The following SPTAN1 variants were observed in gnomAD, a reference collection of about 807,000 sequenced individuals.
SPTAN1 encodes spectrin alpha chain, non-erythrocytic 1.
Under a neutral mutation model 331.3 loss-of-function variants are expected in SPTAN1, and 61 were observed. That is an observed-to-expected ratio of 0.18 (90% confidence interval 0.15 to 0.23). The LOEUF (loss-of-function observed/expected upper bound fraction) is 0.23. SPTAN1 is among the 10% of genes least tolerant of loss of function. SPTAN1 has a pLI of 1.00. For missense variants in SPTAN1, 2,043 were observed against 3,147.9 expected, an observed-to-expected ratio of 0.65 and a Z score of 8.40; for synonymous variants, 1,153 against 1,173.9, an observed-to-expected ratio of 0.98 and a Z score of 0.36.
intron 3 of SPTAN1, among the ~76,000 whole-genome samples, chr9:128,574,361 G>T (rs957180640): frequency 1.4e-5 from 2 of 147,778 alleles, no homozygotes; most frequent in Non-Finnish European, 3.0e-5. Flanking sequence ...AATTATAAAT[G>T]AAATATAAAG....
At position 128,582,508 on chromosome 9, in the gene SPTAN1, T is replaced by G. The variant is rs560390110; in HGVS notation, c.1602T>G (p.Ile534Met). ...TAGATGAATTTGCAACCAAGCTAATTCAGAACAACCACTATGCAATGGAAG... is the reference window on the plus strand; with the variant it reads ...TAGATGAATTTGCAACCAAGCTAATGCAGAACAACCACTATGCAATGGAAG... ...TALDEFATKLIQNNHYAMEDV... is the reference protein window; with the variant it reads ...TALDEFATKLMQNNHYAMEDV... Residue 534 changes from isoleucine to methionine, a missense_variant, in exon 13 of 57, where the codon ATT becomes ATG. Coordinates refer to ENST00000372739, the MANE Select transcript of SPTAN1 (RefSeq NM_001130438.3). 14 of 1,614,180 alleles carry G rather than the reference T, an allele frequency of 8.7e-6. No individual in the cohort carries two copies. In the East Asian group the frequency reaches 3.1e-4, roughly 36 times the overall value.
chr9:128,585,513 C>A (rs140117961), intron 18 of SPTAN1, among the ~76,000 whole-genome samples: 1 of 151,986 alleles, frequency 6.6e-6, no homozygotes, highest in Admixed American at 6.5e-5. Context: ...TGCCAACTTG[C>A]GATATCTGCT....
chr9:128,592,036 C>T (rs1041109100), intron 22 of SPTAN1, among the ~76,000 whole-genome samples: 4 of 152,186 alleles, frequency 2.6e-5, no homozygotes, highest in Non-Finnish European at 1.5e-5. Flanking sequence ...GCTCTGTCCT[C>T]TTTCCTCTAG....
chr9:128,590,966 C>T (rs1021076382), intron 21 of SPTAN1, among the ~76,000 whole-genome samples: 5 of 152,180 alleles, frequency 3.3e-5, no homozygotes, highest in African/African-American at 9.7e-5. Flanking sequence ...TGGTGGCAGG[C>T]GGCATTGCTC....
At chr9:128,591,659 C>T (rs374831136) in intron 22 of SPTAN1, 34 bp downstream of exon 22, 5 of 1,612,010 alleles carry the variant, frequency 3.1e-6, no homozygotes, top group African/African-American at 2.7e-5. Context: ...AAGGGCTAGG[C>T]GTCCCATAGG....
chr9:128,598,164 T>G (rs762453909), intron 24 of SPTAN1, among the ~76,000 whole-genome samples: 4 of 148,024 alleles, frequency 2.7e-5, no homozygotes, highest in Non-Finnish European at 5.9e-5. Flanking sequence ...GTTAGGTTGG[T>G]CTCGAACTCC....
chr9:128,622,542 G>A (rs1178128570), intron 45 of SPTAN1, among the ~76,000 whole-genome samples: 5 of 151,602 alleles, frequency 3.3e-5, no homozygotes, highest in East Asian at 2.0e-4. Flanking sequence ...CAGGTGATCC[G>A]CCCTCCTCGG....
chr9:128,591,954 G>A (rs1367721246), intron 22 of SPTAN1, among the ~76,000 whole-genome samples: 1 of 152,176 alleles, frequency 6.6e-6, no homozygotes, highest in East Asian at 1.9e-4. Flanking sequence ...TGTCCACTTT[G>A]AAAAGCTGCT....
intron 1 of SPTAN1, among the ~76,000 whole-genome samples, chr9:128,558,846 C>T (rs947636162): frequency 5.3e-5 from 8 of 152,130 alleles, no homozygotes; most frequent in African/African-American, 1.9e-4. Flanking sequence ...GCTGTAGCAC[C>T]TTTGGATGGC....
In SPTAN1 at chr9:128,582,705, C is replaced by T. The variant is rs1398071492; in HGVS notation, c.1662C>T (p.Arg554=). The stretch of plus-strand genomic sequence containing the variant: ...TCCTTGTCTTTCAGCTGTTGAGCCG[C>T]CGCAATGCCCTTCACGAGAGAGCCA... ...VATRRDALLS[R]RNALHERAMR... Residue 554 remains arginine (R), a synonymous_variant, in exon 14 of 57, where the codon CGC becomes CGT. Transcript: ENST00000372739. 11 of 1,613,586 alleles carry T rather than the reference C, an allele frequency of 6.8e-6. No individual in the cohort carries two copies. The highest frequency in any genetic ancestry group is 9.3e-6 in the Non-Finnish European group (11 of 1,180,036).
At chr9:128,587,529 A>T in intron 19 of SPTAN1, 77 bp from the exon 20 acceptor site, 1 of 1,138,630 alleles carries the variant, frequency 8.8e-7, no homozygotes, top group South Asian at 1.2e-5. Context: ...TTGAGGCAGG[A>T]TGGCAGGTTG....
chr9:128,556,526 A>G (rs1256059853), intron 1 of SPTAN1, among the ~76,000 whole-genome samples: 1 of 152,236 alleles, frequency 6.6e-6, no homozygotes, highest in East Asian at 1.9e-4. Context: ...TGCAGGTTAA[A>G]AGGTAAGTAG....
intron 26 of SPTAN1, 113 bp downstream of exon 26, chr9:128,599,099 C>G: frequency 9.8e-7 from 1 of 1,016,094 alleles, no homozygotes; most frequent in Non-Finnish European, 1.6e-6. Flanking sequence ...ACCTCAGATG[C>G]CTTTTGTGTG....
rs746834111 is a variant in SPTAN1 at position 128,584,846 on chromosome 9, G to A, written c.2560+3G>A. The A allele has an allele frequency of 1.4e-5, 22 of 1,614,054 alleles. No homozygotes were observed. The South Asian group carries it at 2.3e-4, about 17-fold the overall frequency. Reference sequence around the variant, plus strand: ...GGGGAATGCCATGGTGGAGGAAGGTGAGTGATTGGTATCAGTGACATGGCT... The same window carrying A: ...GGGGAATGCCATGGTGGAGGAAGGTAAGTGATTGGTATCAGTGACATGGCT... On this transcript the variant is annotated splice_donor_region_variant and intron_variant, in intron 18 of 56. Transcript: ENST00000372739.
intron 11 of SPTAN1, among the ~76,000 whole-genome samples, chr9:128,581,552 A>G (rs771417146): frequency 3.9e-5 from 6 of 152,164 alleles, no homozygotes; most frequent in Non-Finnish European, 5.9e-5. Flanking sequence ...AACAAAAACT[A>G]TGTAAGAGAA....
rs769952674 is a variant in SPTAN1, at chr9:128,566,771, A to T, written c.31A>T (p.Thr11Ser). 7 of 1,614,222 alleles carry T rather than the reference A, an allele frequency of 4.3e-6. No homozygotes were observed. The highest frequency in any genetic ancestry group is 5.9e-6 in the Non-Finnish European group (7 of 1,180,042). Residue 11 changes from threonine (T) to serine (S), a missense_variant, in exon 2 of 57, where the codon ACA becomes TCA. Transcript: ENST00000372739. MDPSGVKVLE[T>S]AEDIQERRQQ... is the part of the protein sequence containing the mutation. Reference sequence around the variant, plus strand: ...CCCAAGTGGGGTCAAAGTGCTGGAAACAGCAGAGGACATCCAGGAGAGGCG... The same window carrying T: ...CCCAAGTGGGGTCAAAGTGCTGGAATCAGCAGAGGACATCCAGGAGAGGCG...
intron 29 of SPTAN1, among the ~76,000 whole-genome samples, chr9:128,604,797 G>A (rs1485430376): frequency 2.0e-5 from 3 of 152,166 alleles, no homozygotes; most frequent in East Asian, 3.9e-4. Context: ...TGGGCATGGT[G>A]GTGGGCGCCT....
At chr9:128,587,210 G>T (rs1852769817) in intron 19 of SPTAN1, among the ~76,000 whole-genome samples, 1 of 152,048 alleles carries the variant, frequency 6.6e-6, no homozygotes, top group Non-Finnish European at 1.5e-5. Context: ...TCAGTCCCCT[G>T]AGTAGCTTGG....
At chr9:128,592,418 G>A (rs772861283) in intron 22 of SPTAN1, among the ~76,000 whole-genome samples, 2 of 152,106 alleles carry the variant, frequency 1.3e-5, no homozygotes, top group African/African-American at 2.4e-5. Context: ...GGGACTGCTG[G>A]CACATGCCAC....
Sources: allele counts gnomAD v4.1 joint callset (sites outside exome capture counted in the v4.1 genomes callset), GRCh38; gene constraint gnomAD v4.1.1; transcripts MANE v1.5; gene names NCBI Gene and HGNC (gene_info 2026-07-23, HGNC 2026-07-21).